PKHD1: variants seen among roughly 807,000 people sequenced by gnomAD.
PKHD1 encodes the protein PKHD1 ciliary IPT domain containing fibrocystin/polyductin, also known as fibrocystin.
In PKHD1, 291 loss-of-function variants were observed where a neutral mutation model predicts 412.0. That is an observed-to-expected ratio of 0.71 (90% CI 0.64 to 0.78). PKHD1 has a LOEUF of 0.78. PKHD1 is among the 30% of genes least tolerant of loss of function. The probability of loss-of-function intolerance (pLI) is 0.00; values close to 1 mark genes in which losing one functional copy is unlikely to be tolerated. For missense variants in PKHD1, 4,825 were observed against 4,950.7 expected, an observed-to-expected ratio of 0.97 and a Z score of 0.76; for synonymous variants, 1,777 against 1,821.5, an observed-to-expected ratio of 0.98 and a Z score of 0.62.
intron 60 of PKHD1, among the ~76,000 whole-genome samples, chr6:51,741,571 T>C (rs1308775520): frequency 6.6e-6 from 1 of 152,132 alleles, no homozygotes; most frequent in African/African-American, 2.4e-5. Flanking sequence ...TATTAACACA[T>C]GAGCTTCCCT....
At chr6:51,676,572 C>T (rs1398313917) in intron 60 of PKHD1, among the ~76,000 whole-genome samples, 1 of 151,202 alleles carries the variant, frequency 6.6e-6, no homozygotes, top group Non-Finnish European at 1.5e-5. Flanking sequence ...AAATCATTTA[C>T]AATTCTTTTG....
chr6:51,723,487 C>T (rs1782183389), intron 60 of PKHD1, among the ~76,000 whole-genome samples: 1 of 152,054 alleles, frequency 6.6e-6, no homozygotes, highest in African/African-American at 2.4e-5. Context: ...GAGTATATAC[C>T]ATAAGACTAT....
At chr6:51,992,510 TGAAGATGA>T (rs1375094300) in intron 35 of PKHD1, among the ~76,000 whole-genome samples, 1 of 152,206 alleles carries the variant, frequency 6.6e-6, no homozygotes, top group African/African-American at 2.4e-5. Context: ...GGGTGCAGTA[TGAAGATGA>T]GTTTAAACGC....
intron 60 of PKHD1, among the ~76,000 whole-genome samples, chr6:51,669,693 A>T (rs1238053067): frequency 7.5e-6 from 1 of 132,746 alleles, no homozygotes; most frequent in African/African-American, 3.1e-5. Flanking sequence ...TAGTGCTATA[A>T]ATTTCCCTCT....
intron 60 of PKHD1, among the ~76,000 whole-genome samples, chr6:51,684,380 T>C (rs1449316272): frequency 6.6e-6 from 1 of 152,102 alleles, no homozygotes; most frequent in Non-Finnish European, 1.5e-5. Flanking sequence ...TAACTCTGTC[T>C]CATACAATAT....
intron 52 of PKHD1, among the ~76,000 whole-genome samples, chr6:51,825,753 G>A (rs1328095605): frequency 6.6e-6 from 1 of 152,042 alleles, no homozygotes; most frequent in African/African-American, 2.4e-5. Context: ...TAATGATACA[G>A]TTTCAGAACA....
At chr6:51,641,746 C>G (rs1435123359) in intron 63 of PKHD1, among the ~76,000 whole-genome samples, 1 of 152,144 alleles carries the variant, frequency 6.6e-6, no homozygotes, top group African/African-American at 2.4e-5. Flanking sequence ...TTTGCAGGGA[C>G]ATGGATGAAG....
At chr6:51,899,522 T>C (rs1240621909) in intron 43 of PKHD1, among the ~76,000 whole-genome samples, 4 of 151,600 alleles carry the variant, frequency 2.6e-5, no homozygotes, top group African/African-American at 4.9e-5. Flanking sequence ...TATTTCAAAA[T>C]AATAAGAGCT....
At chr6:51,973,764 GATTA>G (rs1583642377) in intron 35 of PKHD1, among the ~76,000 whole-genome samples, 1 of 152,326 alleles carries the variant, frequency 6.6e-6, no homozygotes, top group East Asian at 1.9e-4. Flanking sequence ...ACTTGCTGAG[GATTA>G]ATTATTTATG....
chr6:52,047,618 CCT>C (rs2128190892), intron 23 of PKHD1, among the ~76,000 whole-genome samples: 1 of 152,298 alleles, frequency 6.6e-6, no homozygotes, highest in East Asian at 1.9e-4. Context: ...CCACTGAAAT[CCT>C]CCATAGTACA....
intron 52 of PKHD1, among the ~76,000 whole-genome samples, chr6:51,802,930 T>TA (rs1763161534): frequency 1.3e-5 from 2 of 151,198 alleles, no homozygotes; most frequent in Non-Finnish European, 2.9e-5. Context: ...AAAAGATTAT[T>TA]AAAATCTTAA....
chr6:51,723,940 T>C (rs1303040151), intron 60 of PKHD1, among the ~76,000 whole-genome samples: 4 of 152,194 alleles, frequency 2.6e-5, no homozygotes, highest in Non-Finnish European at 5.9e-5. Context: ...TTCTCTTATT[T>C]CTACCACCTC....
intron 12 of PKHD1, among the ~76,000 whole-genome samples, chr6:52,065,583 A>G (rs1809573102): frequency 6.6e-6 from 1 of 152,202 alleles, no homozygotes; most frequent in South Asian, 2.1e-4. Context: ...GGGGATTTCC[A>G]GAGTAATCTG....
chr6:51,737,150 T>C (rs1011116531), intron 60 of PKHD1, among the ~76,000 whole-genome samples: 27 of 152,228 alleles, frequency 1.8e-4, no homozygotes, highest in African/African-American at 5.5e-4. Flanking sequence ...TGTTCCCTAC[T>C]GTCTCATGGT....
At chr6:51,901,304 A>T (rs1243921617) in intron 43 of PKHD1, among the ~76,000 whole-genome samples, 1 of 152,222 alleles carries the variant, frequency 6.6e-6, no homozygotes, top group Non-Finnish European at 1.5e-5. Context: ...CATCAAGAAA[A>T]CGTGGCACAT....
In PKHD1 at chr6:52,073,313, GC is replaced by G. The variant is rs1467293991; in HGVS notation, c.527+149del. 1.1e-5 allele frequency: 8 copies of G among 727,784 alleles called. No homozygotes were observed. The East Asian group carries it at 2.0e-4, about 18-fold the overall frequency. 45.1% of individuals were successfully genotyped at this position (727,784 alleles called of 1,614,324 possible). On this transcript the variant is annotated intron_variant, in intron 7 of 66. Coordinates refer to ENST00000371117, the MANE Select transcript of PKHD1 (RefSeq NM_138694.4). ...AATTACATTAACAAAGTTTGCTGAA[GC>G]CCAGCTCATGAGGGACCATAAACTG...
rs539339781 is a variant in PKHD1, at chr6:51,668,388, C to T, written c.10157-8419G>A. 4.6e-5 allele frequency among the ~76,000 whole-genome samples: 7 copies of T among 152,192 alleles called. No homozygotes were observed. In the East Asian group the frequency reaches 7.7e-4, roughly 17 times the overall value. On this transcript the variant is annotated intron_variant, in intron 60 of 66. Coordinates refer to ENST00000371117, the MANE Select transcript of PKHD1 (RefSeq NM_138694.4). Reference sequence around the variant, plus strand: ...TAAGAATGCTTGTGATTTTTGTACACTGATTTTGTATCCTGAGACTTTGCT... The same window carrying T: ...TAAGAATGCTTGTGATTTTTGTACATTGATTTTGTATCCTGAGACTTTGCT...
chr6:51,773,341 G>A (rs1790464519), intron 54 of PKHD1, among the ~76,000 whole-genome samples: 2 of 151,892 alleles, frequency 1.3e-5, no homozygotes, highest in African/African-American at 4.8e-5. Flanking sequence ...TAAAGGCTTA[G>A]GAGAAATGTG....
intron 55 of PKHD1, among the ~76,000 whole-genome samples, chr6:51,756,510 A>G (rs1787035174): frequency 6.6e-6 from 1 of 152,204 alleles, no homozygotes; most frequent in African/African-American, 2.4e-5. Flanking sequence ...TAAGAAGTCT[A>G]TGATCCATAC....
Sources: allele counts gnomAD v4.1 joint callset (sites outside exome capture counted in the v4.1 genomes callset), GRCh38; gene constraint gnomAD v4.1.1; transcripts MANE v1.5; gene names NCBI Gene and HGNC (gene_info 2026-07-23, HGNC 2026-07-21).